The following VPS54 variants were observed in gnomAD, a reference collection of about 807,000 sequenced individuals.
The protein encoded by VPS54 is vacuolar protein sorting-associated protein 54.
Under a neutral mutation model 121.5 loss-of-function variants are expected in VPS54, and 45 were observed. That is an observed-to-expected ratio of 0.37 (90% CI 0.29 to 0.47). VPS54 has a LOEUF of 0.47. Among genes scored for constraint, VPS54 ranks in the 20% least tolerant of loss-of-function variants. The probability of loss-of-function intolerance (pLI) is 0.99; values close to 1 mark genes in which losing one functional copy is unlikely to be tolerated. For missense variants in VPS54, 1,090 were observed against 1,131.4 expected, an observed-to-expected ratio of 0.96 and a Z score of 0.52; for synonymous variants, 371 against 385.8, an observed-to-expected ratio of 0.96 and a Z score of 0.45.
At chr2:63,982,723 G>A (rs888640080) in intron 2 of VPS54, among the ~76,000 whole-genome samples, 3 of 152,144 alleles carry the variant, frequency 2.0e-5, no homozygotes, top group African/African-American at 7.2e-5. Flanking sequence ...TTTTAGCACT[G>A]CGCTTAGGGG....
At chr2:63,984,052 C>G in intron 1 of VPS54, 33 bp from the exon 2 acceptor site, 4 of 1,506,316 alleles carry the variant, frequency 2.7e-6, no homozygotes, top group Middle Eastern at 3.5e-4. Flanking sequence ...AATTAAGACA[C>G]CGCAAATCAA....
chr2:63,982,010 G>T, intron 2 of VPS54, 123 bp from the exon 3 acceptor site: 1 of 1,034,232 alleles, frequency 9.7e-7, no homozygotes, highest in Non-Finnish European at 1.3e-6. Flanking sequence ...ATCTTCCACA[G>T]TAAATGATTT....
At chr2:64,005,089 C>CTTTTTTTTTTTTTTTTT (rs764515091) in intron 1 of VPS54, among the ~76,000 whole-genome samples, 7 of 44,130 alleles carry the variant, frequency 1.6e-4, no homozygotes, top group African/African-American at 3.8e-4. Flanking sequence ...ACTATTGCTT[C>CTTTTTTTTTTTTTTTTT]TTTTTTTTTT....
chr2:63,902,589 A>T (rs969374063), intron 20 of VPS54, among the ~76,000 whole-genome samples: 32 of 152,206 alleles, frequency 2.1e-4, no homozygotes, highest in Non-Finnish European at 1.8e-4. Context: ...AAAGAAAACA[A>T]TATCCCACTG....
intron 6 of VPS54, among the ~76,000 whole-genome samples, chr2:63,963,369 CCTTT>C (rs1274793078): frequency 1.3e-5 from 2 of 152,022 alleles, no homozygotes; most frequent in East Asian, 1.9e-4. Context: ...GCCTTTTCTT[CCTTT>C]CTAACTGCAT....
At chr2:63,899,664 CT>C (rs1672593254) in intron 20 of VPS54, 83 bp from the exon 21 acceptor site, 1 of 1,141,818 alleles carries the variant, frequency 8.8e-7, no homozygotes, top group Admixed American at 1.9e-5. Flanking sequence ...CATATATTTA[CT>C]GTCCCTCCAC....
chr2:63,979,921 C>A (rs1254846141), intron 3 of VPS54, among the ~76,000 whole-genome samples: 1 of 152,008 alleles, frequency 6.6e-6, no homozygotes, highest in African/African-American at 2.4e-5. Context: ...ATAAATGTTT[C>A]ATGAACACTT....
intron 1 of VPS54, among the ~76,000 whole-genome samples, chr2:64,005,250 C>T (rs1464545294): frequency 2.7e-5 from 4 of 150,682 alleles, no homozygotes; most frequent in African/African-American, 9.8e-5. Context: ...ACTACAGGTG[C>T]CCGCCACCGC....
In VPS54 at chr2:63,933,896, T is replaced by A. The variant is rs1399188259; in HGVS notation, c.1516A>T (p.Thr506Ser). ...TCATGGATTAAATAAGCCACCTCTGTGTCCAGTGAATTATCTTTTGCAGCA... is the reference window on the plus strand; with the variant it reads ...TCATGGATTAAATAAGCCACCTCTGAGTCCAGTGAATTATCTTTTGCAGCA... The part of the protein sequence containing the change: ...KNAAKDNSLD[T>S]EVAYLIHEGM... The change falls in exon 12 of 23, where the codon ACA becomes TCA. Residue 506 changes from threonine to serine, a missense_variant. Thr to Ser is a moderately conservative substitution (Grantham distance 58, BLOSUM62 1). This residue lies in a region of VPS54 where 801 missense variants were observed against 757.0 expected (regional missense o/e 1.06). Transcript: ENST00000272322. 1.2e-6 allele frequency: 2 copies of A among 1,613,722 alleles called. No homozygotes were observed. Among genetic ancestry groups the A allele is most frequent in the Non-Finnish European group, 1.7e-6 (2 of 1,179,858 alleles).
intron 1 of VPS54, among the ~76,000 whole-genome samples, chr2:64,015,124 A>G (rs750086618): frequency 2.9e-4 from 43 of 149,944 alleles, no homozygotes; most frequent in Non-Finnish European, 8.9e-5. Flanking sequence ...GCTGCCAGGA[A>G]AAAAAAAAAT....
intron 7 of VPS54, among the ~76,000 whole-genome samples, chr2:63,949,495 A>G (rs1406921675): frequency 6.6e-6 from 1 of 152,228 alleles, no homozygotes; most frequent in Non-Finnish European, 1.5e-5. Flanking sequence ...AATAACATAA[A>G]GTCAGTGAAC....
chr2:63,976,818 ATCTT>A (rs1676552960), intron 3 of VPS54, among the ~76,000 whole-genome samples: 1 of 129,768 alleles, frequency 7.7e-6, no homozygotes, highest in Non-Finnish European at 1.6e-5. Flanking sequence ...AGTAGCTTAT[ATCTT>A]CTCTTTTTTT....
intron 1 of VPS54, among the ~76,000 whole-genome samples, chr2:63,987,978 T>G (rs1447377287): frequency 6.6e-6 from 1 of 152,358 alleles, no homozygotes; most frequent in Non-Finnish European, 1.5e-5. Context: ...AAGGATAATT[T>G]GACTCCTTCC....
At chr2:63,929,885 C>T (rs956717527) in intron 12 of VPS54, among the ~76,000 whole-genome samples, 76 of 152,118 alleles carry the variant, frequency 5.0e-4, no homozygotes, top group Non-Finnish European at 9.7e-4. Flanking sequence ...CTACAAACAC[C>T]TCTACACAAA....
chr2:63,951,091 T>G (rs978566054), intron 7 of VPS54, among the ~76,000 whole-genome samples: 2 of 152,176 alleles, frequency 1.3e-5, no homozygotes, highest in African/African-American at 4.8e-5. Context: ...TTTCTCATAG[T>G]AAGCCTGCAC....
At chr2:63,895,440 T>C (rs1383775662) in intron 22 of VPS54, among the ~76,000 whole-genome samples, 1 of 151,968 alleles carries the variant, frequency 6.6e-6, no homozygotes, top group East Asian at 1.9e-4. Flanking sequence ...TGTGACAGAG[T>C]GATACTCCAT....
intron 20 of VPS54, among the ~76,000 whole-genome samples, chr2:63,908,264 G>A (rs1672988353): frequency 6.6e-6 from 1 of 152,040 alleles, no homozygotes; most frequent in South Asian, 2.1e-4. Context: ...GACACATGCT[G>A]TAACATCCAT....
chr2:63,950,712 T>C (rs879308676), intron 7 of VPS54, among the ~76,000 whole-genome samples: 10 of 152,198 alleles, frequency 6.6e-5, no homozygotes, highest in Non-Finnish European at 1.2e-4. Flanking sequence ...CAGTAAGAGA[T>C]AGCCTATCCC....
intron 1 of VPS54, among the ~76,000 whole-genome samples, chr2:64,007,417 A>G (rs1678214336): frequency 6.6e-6 from 1 of 152,218 alleles, no homozygotes; most frequent in African/African-American, 2.4e-5. Context: ...TGAGTTGGAC[A>G]AGACTTTAAA....
Sources: allele counts gnomAD v4.1 joint callset (sites outside exome capture counted in the v4.1 genomes callset), GRCh38; gene constraint gnomAD v4.1.1; regional missense constraint gnomAD v4.1.1; transcripts MANE v1.5; gene names NCBI Gene and HGNC (gene_info 2026-07-23, HGNC 2026-07-21).